The following IER3IP1 variants were observed in gnomAD, a reference collection of about 807,000 sequenced individuals.
IER3IP1 encodes the protein immediate early response 3 interacting protein 1, also known as immediate early response 3-interacting protein 1.
Under a neutral mutation model 12.2 loss-of-function variants are expected in IER3IP1, and 16 were observed. The ratio of observed to expected loss-of-function variants is 1.31; its 90% CI spans 0.89 to 1.99. The LOEUF is 1.99. Ranked by LOEUF, IER3IP1 falls within the 30% of genes most tolerant of loss-of-function variation. The pLI, the probability that IER3IP1 is intolerant of heterozygous loss-of-function variation, is 0.00. For missense variants in IER3IP1, 95 were observed against 95.8 expected (o/e 0.99, Z 0.03); for synonymous variants, 42 against 40.0 (o/e 1.05, Z -0.19).
At chr18:47,170,956 C>T (rs1414375366) in intron 1 of IER3IP1, among the ~76,000 whole-genome samples, 1 of 152,130 alleles carries the variant, frequency 6.6e-6, no homozygotes, top group Non-Finnish European at 1.5e-5. Context: ...TTGTCTTATT[C>T]CACATCAGGG....
intron 1 of IER3IP1, among the ~76,000 whole-genome samples, chr18:47,157,936 A>G (rs151115502): frequency 6.6e-6 from 1 of 152,202 alleles, no homozygotes; most frequent in Non-Finnish European, 1.5e-5. Context: ...GAATTTATAA[A>G]ATCCATCACA....
chr18:47,169,625 T>C (rs1435909866), intron 1 of IER3IP1, among the ~76,000 whole-genome samples: 1 of 151,826 alleles, frequency 6.6e-6, no homozygotes, highest in Non-Finnish European at 1.5e-5. Flanking sequence ...ATTTATTAAC[T>C]TTTTTATTAT....
In IER3IP1 at chr18:47,156,012, A is replaced by G. The variant is rs2063957455; in HGVS notation, c.*165T>C. ...TTTGTAATGAAACTACAAGTGCAAC[A>G]TTAAAAAAAAAAACAGATAAATAGA... On this transcript the variant is annotated 3_prime_UTR_variant, in exon 3 of 3. Coordinates refer to ENST00000256433, the MANE Select transcript of IER3IP1 (RefSeq NM_016097.5). 1.7e-6 allele frequency: 1 copy of G among 599,692 alleles called. No homozygotes were observed. The highest frequency in any genetic ancestry group is 3.0e-6 in the Non-Finnish European group (1 of 336,540). 37.1% of individuals were successfully genotyped at this position (599,692 alleles called of 1,614,324 possible).
chr18:47,169,980 T>C (rs2064010037), intron 1 of IER3IP1, among the ~76,000 whole-genome samples: 1 of 152,170 alleles, frequency 6.6e-6, no homozygotes, highest in African/African-American at 2.4e-5. Flanking sequence ...GCTTCTGGTA[T>C]CGTATCTGAG....
chr18:47,157,647 CAT>C, intron 1 of IER3IP1, 110 bp from the exon 2 acceptor site: 3 of 948,298 alleles, frequency 3.2e-6, no homozygotes, highest in Admixed American at 1.8e-5. Flanking sequence ...AGTAGAAAGT[CAT>C]ATGACTTTTA....
intron 1 of IER3IP1, among the ~76,000 whole-genome samples, chr18:47,159,075 T>A (rs1009890709): frequency 2.0e-5 from 3 of 152,174 alleles, no homozygotes; most frequent in Non-Finnish European, 2.9e-5. Flanking sequence ...ATATATATAT[T>A]TTTGCAGCAC....
intron 1 of IER3IP1, among the ~76,000 whole-genome samples, chr18:47,164,253 G>A (rs2063988862): frequency 6.6e-6 from 1 of 151,646 alleles, no homozygotes; most frequent in Admixed American, 6.6e-5. Flanking sequence ...TTGCAGCCCA[G>A]TCTCTATTCT....
At chr18:47,170,353 G>T (rs2144437095) in intron 1 of IER3IP1, among the ~76,000 whole-genome samples, 1 of 152,130 alleles carries the variant, frequency 6.6e-6, no homozygotes, top group Middle Eastern at 3.4e-3. Context: ...CTCCAATTTT[G>T]TTCTTCTCTT....
Position 47,176,211 on chromosome 18 carries a change from G to T in IER3IP1, c.67C>A (p.His23Asn). 6.2e-7 allele frequency: 1 copy of T among 1,605,108 alleles called. No individual in the cohort carries two copies. Among genetic ancestry groups the T allele is most frequent in the Admixed American group, 1.7e-5 (1 of 59,132 alleles). The change falls in exon 1 of 3, where the codon CAC becomes AAC. Residue 23 changes from histidine to asparagine, a missense_variant. Physicochemically the swap from His to Asn is moderately conservative, Grantham distance 68. Coordinates refer to ENST00000256433, the MANE Select transcript of IER3IP1 (RefSeq NM_016097.5). ...CTGTTCTTGAGGAATCGCTCCTCGT[G>T]CAGCACTGCGATGGCGTTGACGCAG... ...LLCVNAIAVLHEERFLKNIGW... is the reference protein window; with the variant it reads ...LLCVNAIAVLNEERFLKNIGW...
intron 1 of IER3IP1, among the ~76,000 whole-genome samples, chr18:47,157,844 T>G (rs1304862981): frequency 6.6e-6 from 1 of 152,144 alleles, no homozygotes; most frequent in Non-Finnish European, 1.5e-5. Flanking sequence ...TTTTAAAATA[T>G]CATACAAAAT....
chr18:47,161,921 C>A (rs2144428042), intron 1 of IER3IP1, among the ~76,000 whole-genome samples: 1 of 151,802 alleles, frequency 6.6e-6, no homozygotes, highest in East Asian at 1.9e-4. Flanking sequence ...TAGATTCTTA[C>A]AAGGAGTACA....
rs950258486 is a variant in IER3IP1, at chr18:47,153,978, T to C, written c.*2199A>G. ...GAAAATCTGGTTCTGCTGTTAACTA[T>C]AAAAGTTTGAAAACCACTGTACTTG... On this transcript the variant is annotated 3_prime_UTR_variant, in exon 3 of 3. Transcript: ENST00000256433. The C allele has an allele frequency of 6.6e-6, 1 of 152,218 alleles. No individual in the cohort carries two copies. The highest frequency in any genetic ancestry group is 1.5e-5 in the Non-Finnish European group (1 of 68,052). 9.4% of individuals were successfully genotyped at this position (152,218 alleles called of 1,614,324 possible). A position where few individuals can be genotyped will look rare whatever the true frequency, so the allele number is the denominator to read the frequency against.
At chr18:47,164,795 A>AC (rs1568072642) in intron 1 of IER3IP1, among the ~76,000 whole-genome samples, 1 of 149,672 alleles carries the variant, frequency 6.7e-6, no homozygotes, top group African/African-American at 2.5e-5. Flanking sequence ...AAAAAACAAG[A>AC]GAGAGAGAGA....
rs1157562674 is a variant in IER3IP1 at position 47,154,383 on chromosome 18, C to T, written c.*1794G>A. 1 of 152,242 alleles carries T rather than the reference C, an allele frequency of 6.6e-6. No homozygotes were observed. Among genetic ancestry groups the T allele is most frequent in the Non-Finnish European group, 1.5e-5 (1 of 68,056 alleles). The allele number at this position is 152,242 out of a possible 1,614,324, so 9.4% of individuals were successfully genotyped here. ...CACTTTCCTCAGAACTACTTGGCTA[C>T]AGAATACTTTGATCCTGGCCCTTCT... On this transcript the variant is annotated 3_prime_UTR_variant, in exon 3 of 3. Coordinates refer to ENST00000256433, the MANE Select transcript of IER3IP1 (RefSeq NM_016097.5).
At chr18:47,168,148 AAAAAAAAT>A (rs1295863317) in intron 1 of IER3IP1, among the ~76,000 whole-genome samples, 17 of 143,120 alleles carry the variant, frequency 1.2e-4, no homozygotes, top group East Asian at 4.0e-4. Flanking sequence ...AAAAAAAAAA[AAAAAAAAT>A]TTTAGCTAGG....
At chr18:47,158,863 A>G (rs2063970238) in intron 1 of IER3IP1, among the ~76,000 whole-genome samples, 1 of 152,030 alleles carries the variant, frequency 6.6e-6, no homozygotes, top group African/African-American at 2.4e-5. Flanking sequence ...CGGGAGGCTG[A>G]GGTGAGAGGA....
At chr18:47,164,869 A>G (rs117932491) in intron 1 of IER3IP1, among the ~76,000 whole-genome samples, 517 of 152,186 alleles carry the variant, frequency 3.4e-3, no homozygotes, top group Non-Finnish European at 6.1e-3. Flanking sequence ...AGAATAAATG[A>G]TAAGACCAGT....
At chr18:47,168,007 T>G (rs1390281473) in intron 1 of IER3IP1, among the ~76,000 whole-genome samples, 2 of 151,320 alleles carry the variant, frequency 1.3e-5, no homozygotes, top group African/African-American at 2.4e-5. Context: ...GCACCTGTAG[T>G]CCCAGCTACT....
chr18:47,159,612 C>T (rs1339607315), intron 1 of IER3IP1, among the ~76,000 whole-genome samples: 2 of 151,762 alleles, frequency 1.3e-5, no homozygotes, highest in African/African-American at 4.8e-5. Context: ...GTGAAAACAA[C>T]TGAAAAAGAA....
Sources: gnomAD v4.1 joint callset for allele counts (sites outside exome capture counted in the v4.1 genomes callset) on GRCh38, gnomAD v4.1.1 for gene constraint, MANE v1.5 for transcripts, NCBI Gene and HGNC (gene_info 2026-07-23, HGNC 2026-07-21) for gene names.